Variants in HAS1 observed in about 807,000 individuals in gnomAD.
The protein encoded by HAS1 is HA synthase 1.
Under a neutral mutation model 35.0 loss-of-function variants are expected in HAS1, and 27 were observed. The observed-to-expected ratio is 0.77, with a 90% confidence interval of 0.57 to 1.06. The LOEUF is 1.06. Among genes scored for constraint, HAS1 ranks in the 50% least tolerant of loss-of-function variants. HAS1 has a pLI of 0.00. For missense variants in HAS1, 940 were observed against 814.8 expected (o/e 1.15, Z -1.87); for synonymous variants, 409 against 371.2 (o/e 1.10, Z -1.17).
chr19:51,719,669 C>T lies in HAS1; in HGVS notation c.236G>A (p.Arg79Gln). The change falls in exon 2 of 5, where the codon CGG becomes CAG. Residue 79 changes from arginine to glutamine, a missense_variant. Physicochemically the swap from Arg to Gln is conservative, Grantham distance 43 (BLOSUM62 1). Coordinates refer to ENST00000540069, the MANE Select transcript of HAS1 (RefSeq NM_001297436.2). ...CGGCCCCCGCGCCGCCGCCGCCACC[C>T]GCCGGTGCTCCAGGTACGCGAAGAG... Reference protein sequence around the residue: ...QSLFAYLEHRRVAAAARGPLD... With the variant: ...QSLFAYLEHRQVAAAARGPLD... 1 of 1,548,358 alleles carries T rather than the reference C, an allele frequency of 6.5e-7. No individual in the cohort carries two copies. Among genetic ancestry groups the T allele is most frequent in the Non-Finnish European group, 8.7e-7 (1 of 1,150,778 alleles).
At chr19:51,719,165 G>A (rs1490376853) in intron 2 of HAS1, 41 bp downstream of exon 2, 3 of 1,267,282 alleles carry the variant, frequency 2.4e-6, no homozygotes, top group Non-Finnish European at 3.3e-6. Flanking sequence ...GTGGGATTTG[G>A]GTGTTCGGGT....
At position 51,714,142 on chromosome 19, in the gene HAS1, C is replaced by T. The variant is rs146248166; in HGVS notation, c.1059-40G>A. On this transcript the variant is annotated intron_variant, in intron 4 of 4. Transcript: ENST00000540069. ...GGAATGAGGGCATCATCGCGTGCTCCCTGGGGCCTGGGCAGGATTCTGGAG... is the reference window on the plus strand; with the variant it reads ...GGAATGAGGGCATCATCGCGTGCTCTCTGGGGCCTGGGCAGGATTCTGGAG... The T allele has an allele frequency of 5.2e-4, 829 of 1,581,846 alleles. 3 individuals are homozygous for T. The African/African-American group carries it at 9.8e-3, about 19-fold the overall frequency.
At position 51,716,270 on chromosome 19, in the gene HAS1, C is replaced by T. The variant is rs373362989; in HGVS notation, c.1044G>A (p.Met348Ile). ...CCTCAGCTTACTTGGTAGCATAACC[C>T]ATGCTGAGCATGCGGTTGGTGAGGT... is the stretch of plus-strand genomic sequence containing the variant. ...DRHLTNRMLS[M>I]GYATKYTSRS... The change falls in exon 4 of 5, where the codon ATG becomes ATA. Residue 348 changes from methionine to isoleucine, a missense_variant. Coordinates refer to ENST00000540069, the MANE Select transcript of HAS1 (RefSeq NM_001297436.2). 3 of 1,613,520 alleles carry T rather than the reference C, an allele frequency of 1.9e-6. No homozygotes were observed. The highest frequency in any genetic ancestry group is 2.5e-6 in the Non-Finnish European group (3 of 1,179,686).
chr19:51,719,936 G>T (rs771370928), intron 1 of HAS1, 41 bp from the exon 2 acceptor site: 1 of 1,313,830 alleles, frequency 7.6e-7, no homozygotes, highest in South Asian at 1.3e-5. Flanking sequence ...CATGAGTCCC[G>T]GGCGCATGAG....
chr19:51,716,320 G>C lies in HAS1; in HGVS notation c.994C>G (p.His332Asp). 1 of 1,613,462 alleles carries C rather than the reference G, an allele frequency of 6.2e-7. No individual in the cohort carries two copies. Among genetic ancestry groups the C allele is most frequent in the Non-Finnish European group, 8.5e-7 (1 of 1,179,490 alleles). ...AWYNQKFLGTHCTFGDDRHLT... is the reference protein window; with the variant it reads ...AWYNQKFLGTDCTFGDDRHLT... ...TGCCGGTCATCCCCAAAAGTACAGT[G>C]GGTACCCAGGAACTTCTGGTTGTAC... The change falls in exon 4 of 5, where the codon CAC becomes GAC. Residue 332 changes from histidine to aspartate, a missense_variant. His to Asp is a moderately conservative substitution (Grantham distance 81). Coordinates refer to ENST00000540069, the MANE Select transcript of HAS1 (RefSeq NM_001297436.2).
Position 51,713,683 on chromosome 19 carries a change from C to T in HAS1, c.1478G>A (p.Arg493Gln). The T allele has an allele frequency of 6.3e-7, 1 of 1,587,928 alleles. No individual in the cohort carries two copies. Among genetic ancestry groups the T allele is most frequent in the Middle Eastern group, 1.7e-4 (1 of 5,948 alleles). Residue 493 changes from arginine to glutamine, a missense_variant, in exon 5 of 5, where the codon CGG (arginine) becomes CAG (glutamine). Physicochemically the swap from Arg to Gln is conservative, Grantham distance 43 (BLOSUM62 1). Transcript: ENST00000540069. The surrounding 1 kb of genome is among the most constrained non-coding windows in gnomAD (Gnocchi z 4.5). The part of the protein sequence containing the change: ...NQSGWGTSGR[R>Q]KLAANYVPLL... ...AGGGACGTAGTTAGCGGCCAGCTTC[C>T]GCCGGCCCGAGGTGCCCCAGCCACT...
Position 51,719,846 on chromosome 19 carries a change from C to T in HAS1, c.59G>A (p.Arg20Gln), listed in dbSNP as rs1227635183. The change falls in exon 2 of 5, where the codon CGG (arginine) becomes CAG (glutamine). Residue 20 changes from arginine (R) to glutamine (Q), a missense_variant. Coordinates refer to ENST00000540069, the MANE Select transcript of HAS1 (RefSeq NM_001297436.2). ...PAACRCSGLARRVLTIAFALL... is the reference protein window; with the variant it reads ...PAACRCSGLAQRVLTIAFALL... ...GGCGAAGGCGATGGTCAGCACCCTC[C>T]GGGCCAGGCCGGAGCAGCGGCAGGC... The T allele has an allele frequency of 1.9e-6, 3 of 1,548,680 alleles. No homozygotes were observed. The highest frequency in any genetic ancestry group is 4.8e-5 in the East Asian group (2 of 41,500).
Position 51,719,375 on chromosome 19 carries a change from A to C in HAS1, c.530T>G (p.Val177Gly), listed in dbSNP as rs2122265244. 1 of 1,588,520 alleles carries C rather than the reference A, an allele frequency of 6.3e-7. No individual in the cohort carries two copies. Among genetic ancestry groups the C allele is most frequent in the Non-Finnish European group, 8.6e-7 (1 of 1,167,732 alleles). The stretch of plus-strand genomic sequence containing the variant: ...CACCTCCCGATAGGCTCCGGCGCCC[A>C]CCGCGCCCGCCGCCGCGGGTTCCCA... ...QPWEPAAAGA[V>G]GAGAYREVEA... Residue 177 changes from valine to glycine, a missense_variant, in exon 2 of 5, where the codon GTG (valine) becomes GGG (glycine). By Grantham distance (109) the Val-to-Gly change is moderately radical. Transcript: ENST00000540069.
chr19:51,716,908 C>A, intron 3 of HAS1, 60 bp downstream of exon 3: 1 of 1,155,478 alleles, frequency 8.7e-7, no homozygotes, highest in South Asian at 1.2e-5. Flanking sequence ...CAGCCCCATC[C>A]GGCTTCCCTT....
At chr19:51,721,123 G>A (rs184055235) in intron 1 of HAS1, among the ~76,000 whole-genome samples, 68 of 152,274 alleles carry the variant, frequency 4.5e-4, no homozygotes, top group African/African-American at 1.4e-3. Context: ...GCCCAAGGTT[G>A]TCCCTGGAAA....
In HAS1 at chr19:51,719,584, G is replaced by C. The variant is rs1481421164; in HGVS notation, c.321C>G (p.Pro107=). ...ACGCCAGGCACTGGCGCAGGTACGC[G>C]GGGTCCTCCTGGTAGGCGGAGATGG... ...ALTISAYQED[P]AYLRQCLASA... is the part of the protein sequence containing the mutation. The change falls in exon 2 of 5, where the codon CCC becomes CCG. Residue 107 remains proline (P), a synonymous_variant. Coordinates refer to ENST00000540069, the MANE Select transcript of HAS1 (RefSeq NM_001297436.2). The C allele has an allele frequency of 6.5e-6, 10 of 1,543,550 alleles. No homozygotes were observed. Among genetic ancestry groups the C allele is most frequent in the Middle Eastern group, 1.8e-4 (1 of 5,714 alleles).
intron 1 of HAS1, 143 bp downstream of exon 1, chr19:51,723,782 G>T: frequency 1.2e-6 from 1 of 808,126 alleles, no homozygotes; most frequent in Non-Finnish European, 1.9e-6. Flanking sequence ...ACACACATAT[G>T]GTCACTGTCA....
In HAS1 at chr19:51,719,610, T is replaced by C. The variant is rs1210413353; in HGVS notation, c.295A>G (p.Thr99Ala). The C allele has an allele frequency of 6.5e-7, 1 of 1,539,936 alleles. No individual in the cohort carries two copies. The highest frequency in any genetic ancestry group is 2.5e-5 in the East Asian group (1 of 40,268). ...GGGTCCTCCTGGTAGGCGGAGATGGTCAGCGCCACACTGCGCGCGGTGGCT... is the reference window on the plus strand; with the variant it reads ...GGGTCCTCCTGGTAGGCGGAGATGGCCAGCGCCACACTGCGCGCGGTGGCT... ...DAATARSVAL[T>A]ISAYQEDPAY... Residue 99 changes from threonine (T) to alanine (A), a missense_variant, in exon 2 of 5, where the codon ACC becomes GCC. Thr to Ala is a moderately conservative substitution (Grantham distance 58, BLOSUM62 0). Coordinates refer to ENST00000540069, the MANE Select transcript of HAS1 (RefSeq NM_001297436.2).
Position 51,717,023 on chromosome 19 carries a change from C to T in HAS1, c.870G>A (p.Val290=). 6.2e-7 allele frequency: 1 copy of T among 1,614,150 alleles called. No homozygotes were observed. The highest frequency in any genetic ancestry group is 8.5e-7 in the Non-Finnish European group (1 of 1,180,016). ...SSLRYWVAFN[V]ERACQSYFHC... ...GGAAGTAGCTCTGACAAGCCCGCTC[C>T]ACATTGAAGGCTACCCAGTATCGCA... The change falls in exon 3 of 5, where the codon GTG becomes GTA. Residue 290 remains valine (V), a synonymous_variant. Transcript: ENST00000540069.
At position 51,715,462 on chromosome 19, in the gene HAS1, G is replaced by A. The variant is rs149595139; in HGVS notation, c.1058+794C>T. ...AACTTCCTATCCACCACCCTTGCCC[G>A]GCATTATTTATCTCCATAACACATA... is the stretch of plus-strand genomic sequence containing the variant. On this transcript the variant is annotated intron_variant, in intron 4 of 4. Transcript: ENST00000540069. Among the ~76,000 whole-genome samples, 1,092 of 152,024 alleles carry A rather than the reference G, an allele frequency of 7.2e-3. 12 individuals are homozygous for A. Among genetic ancestry groups the A allele is most frequent in the African/African-American group, 0.024 (980 of 41,430 alleles).
chr19:51,714,010 C>T lies in HAS1; in HGVS notation c.1151G>A (p.Arg384His), dbSNP rs1568624985. The T allele has an allele frequency of 3.1e-6, 5 of 1,613,848 alleles. No individual in the cohort carries two copies. The highest frequency in any genetic ancestry group is 4.2e-6 in the Non-Finnish European group (5 of 1,179,976). ...QQTRWSKSYF[R>H]EWLYNALWWH... ...CCAGAGCGCGTTGTACAGCCACTCA[C>T]GGAAGTACGACTTGGACCAGCGTGT... Residue 384 changes from arginine to histidine, a missense_variant, in exon 5 of 5, where the codon CGT becomes CAT. Physicochemically the swap from Arg to His is conservative, Grantham distance 29 (BLOSUM62 0). Coordinates refer to ENST00000540069, the MANE Select transcript of HAS1 (RefSeq NM_001297436.2).
At chr19:51,721,003 GATGA>G (rs2083627984) in intron 1 of HAS1, among the ~76,000 whole-genome samples, 1 of 152,168 alleles carries the variant, frequency 6.6e-6, no homozygotes, top group Non-Finnish European at 1.5e-5. Context: ...AAGCCTTTAA[GATGA>G]ATGAATTTAT....
In HAS1 at chr19:51,713,849, G is replaced by A. The variant is rs1474147973; in HGVS notation, c.1312C>T (p.Gln438Ter). 2 of 1,606,952 alleles carry A rather than the reference G, an allele frequency of 1.2e-6. No individual in the cohort carries two copies. The highest frequency in any genetic ancestry group is 1.1e-5 in the South Asian group (1 of 90,976). ...WALLWVLLCV[Q>*]GVALAKAAFA... is the part of the protein sequence containing the mutation. ...GCCGCCTTGGCCAGTGCCACGCCCT[G>A]CACGCACAGCAGCACCCACAGCAGC... is the stretch of plus-strand genomic sequence containing the variant. Residue 438 changes from glutamine to a stop codon, truncating the protein, a stop_gained, in exon 5 of 5, where the codon CAG becomes TAG. Coordinates refer to ENST00000540069, the MANE Select transcript of HAS1 (RefSeq NM_001297436.2). LOFTEE classifies it low-confidence loss of function (END_TRUNC). This position sits in a 1 kb window ranked among gnomAD's most constrained non-coding sequence, Gnocchi z 4.5.
intron 1 of HAS1, among the ~76,000 whole-genome samples, chr19:51,720,861 C>T (rs1473907556): frequency 6.6e-6 from 1 of 152,100 alleles, no homozygotes; most frequent in Non-Finnish European, 1.5e-5. Context: ...ATTACTAGGG[C>T]GTTTCCCTCC....
Sources: allele counts gnomAD v4.1 joint callset (sites outside exome capture counted in the v4.1 genomes callset), GRCh38; gene constraint gnomAD v4.1.1; non-coding constraint Gnocchi (gnomAD v3.1); transcripts MANE v1.5; gene names NCBI Gene and HGNC (gene_info 2026-07-23, HGNC 2026-07-21).